RND3: variants seen among roughly 807,000 people sequenced by gnomAD.
RND3 encodes Rho family GTPase 3.
RND3 carries 8 observed loss-of-function variants against 26.5 expected under a neutral mutation model. The ratio of observed to expected loss-of-function variants is 0.30; its 90% confidence interval spans 0.18 to 0.54. The LOEUF is 0.54. RND3 is among the 20% of genes least tolerant of loss of function. The probability of loss-of-function intolerance (pLI) is 0.94; values close to 1 mark genes in which losing one functional copy is unlikely to be tolerated. For missense variants in RND3, 207 were observed against 302.8 expected, an observed-to-expected ratio of 0.68 and a Z score of 2.35; for synonymous variants, 113 against 113.0, an observed-to-expected ratio of 1.00 and a Z score of 0.00.
rs534188403 is a variant in RND3, at chr2:150,471,352, A to G, written c.483+275T>C. Among the ~76,000 whole-genome samples the G allele has an allele frequency of 2.6e-5, 4 of 152,280 alleles. No individual in the cohort carries two copies. The East Asian group carries it at 7.7e-4, about 29-fold the overall frequency. On this transcript the variant is annotated intron_variant, in intron 5 of 5. Transcript: ENST00000263895. ...CTGTAAAATCAGATTACCCCTCTTA[A>G]AGAGTATTACTGATTTTGACCACAT...
In RND3 at chr2:150,469,748, A is replaced by AT. The variant is rs1299932547; in HGVS notation, c.*238dup. 2 of 495,102 alleles carry AT rather than the reference A, an allele frequency of 4.0e-6. No individual in the cohort carries two copies. The highest frequency in any genetic ancestry group is 7.1e-6 in the Non-Finnish European group (2 of 281,122). The allele number at this position is 495,102 out of a possible 1,614,324, so 30.7% of individuals were successfully genotyped here. The stretch of plus-strand genomic sequence containing the variant: ...TTCCTCTAGCTCATTTGTATCTCTC[A>AT]TTTTTTGGCATATTTTTCAAGTCAC... On this transcript the variant is annotated 3_prime_UTR_variant, in exon 6 of 6. Coordinates refer to ENST00000263895, the MANE Select transcript of RND3 (RefSeq NM_005168.5).
rs180912839 is a variant in RND3, at chr2:150,475,624, C to T, written c.239-640G>A. 2.5e-3 allele frequency among the ~76,000 whole-genome samples: 376 copies of T among 152,266 alleles called. 7 individuals are homozygous for T. The highest frequency in any genetic ancestry group is 1.9e-3 in the East Asian group (10 of 5,182). ...GAGGAAGAGGAAGGGTTCAACTATGCAAAGAGAAACCACATCAGTGTTACC... is the reference window on the plus strand; with the variant it reads ...GAGGAAGAGGAAGGGTTCAACTATGTAAAGAGAAACCACATCAGTGTTACC... On this transcript the variant is annotated intron_variant, in intron 3 of 5. Transcript: ENST00000263895.
Position 150,474,988 on chromosome 2 carries a change from A to G in RND3, c.239-4T>C. ...ACATTGTCATAGTAAGGAGAACCTG[A>G]GAAGAAACAAAGACACACAAATTTT... On this transcript the variant is annotated splice_region_variant and splice_polypyrimidine_tract_variant and intron_variant, in intron 3 of 5. Transcript: ENST00000263895. The G allele has an allele frequency of 6.3e-7, 1 of 1,581,676 alleles. No homozygotes were observed. The highest frequency in any genetic ancestry group is 1.1e-5 in the South Asian group (1 of 90,362).
rs771468851 is a variant in RND3, at chr2:150,470,226, C to T, written c.496G>A (p.Ala166Thr). Residue 166 changes from alanine (A) to threonine (T), a missense_variant, in exon 6 of 6, where the codon GCC becomes ACC. Transcript: ENST00000263895. The stretch of plus-strand genomic sequence containing the variant: ...TAAGTAGCTGCTCCAATCTGTTTGG[C>T]CATATTTGCCCCCTGAGAAGCAAAA... ...PVSYDQGANM[A>T]KQIGAATYIE... The T allele has an allele frequency of 1.8e-5, 29 of 1,612,310 alleles. No individual in the cohort carries two copies. Among genetic ancestry groups the T allele is most frequent in the Middle Eastern group, 1.6e-4 (1 of 6,068 alleles).
In RND3 at chr2:150,473,059, T is replaced by G. The variant is rs9798403; in HGVS notation, c.349-1298A>C. ...TTTCCTCCCTCCCTTCCTCTCTCCC[T>G]CTCTCCCTCACTCCTTTCAGAATTA... On this transcript the variant is annotated intron_variant, in intron 4 of 5. Coordinates refer to ENST00000263895, the MANE Select transcript of RND3 (RefSeq NM_005168.5). Among the ~76,000 whole-genome samples, 808 of 124,266 alleles carry G rather than the reference T, an allele frequency of 6.5e-3. 2 individuals are homozygous for G. Among genetic ancestry groups the G allele is most frequent in the Non-Finnish European group, 0.01 (621 of 61,572 alleles). 81.5% of individuals were successfully genotyped at this position (124,266 alleles called of 152,430 possible).
rs1686358360 is a variant in RND3, at chr2:150,486,222, T to C, written c.238+472A>G. 6.6e-6 allele frequency among the ~76,000 whole-genome samples: 1 copy of C among 151,856 alleles called. No individual in the cohort carries two copies. The highest frequency in any genetic ancestry group is 1.5e-5 in the Non-Finnish European group (1 of 67,962). The stretch of plus-strand genomic sequence containing the variant: ...TTCCCTCAACAGCGGCAATTGCACG[T>C]AACCGCGTCGCCTCTGGGATTTTCT... On this transcript the variant is annotated intron_variant, in intron 3 of 5. Coordinates refer to ENST00000263895, the MANE Select transcript of RND3 (RefSeq NM_005168.5). This position sits in a 1 kb window ranked among gnomAD's most constrained non-coding sequence, Gnocchi z 4.5.
chr2:150,479,098 G>A (rs1393830347), intron 3 of RND3, among the ~76,000 whole-genome samples: 1 of 152,094 alleles, frequency 6.6e-6, no homozygotes, highest in Admixed American at 6.6e-5. Context: ...GTGTACACTT[G>A]GGGTTCTCTG....
At chr2:150,472,416 T>C (rs1475055186) in intron 4 of RND3, among the ~76,000 whole-genome samples, 1 of 152,216 alleles carries the variant, frequency 6.6e-6, no homozygotes. Flanking sequence ...TCATATGCCT[T>C]CAAGTTAGTT....
intron 3 of RND3, among the ~76,000 whole-genome samples, chr2:150,480,453 C>A (rs1686251948): frequency 6.6e-6 from 1 of 152,110 alleles, no homozygotes; most frequent in African/African-American, 2.4e-5. Flanking sequence ...ACGACTAATT[C>A]ATTTGGCAGA....
At chr2:150,482,735 G>GGGGGGGGGC (rs1686296666) in intron 3 of RND3, among the ~76,000 whole-genome samples, 1 of 133,646 alleles carries the variant, frequency 7.5e-6, no homozygotes, top group Non-Finnish European at 1.6e-5. Context: ...GGGTGGGGGG[G>GGGGGGGGGC]GCGGTGCGGG....
At chr2:150,475,147 G>C (rs774793906) in intron 3 of RND3, 163 bp from the exon 4 acceptor site, 6 of 552,688 alleles carry the variant, frequency 1.1e-5, no homozygotes, top group Non-Finnish European at 2.0e-5. Context: ...ACAAAAGCCT[G>C]CTTAGAAATA....
chr2:150,476,286 G>GA (rs1475255613), intron 3 of RND3, among the ~76,000 whole-genome samples: 3 of 152,174 alleles, frequency 2.0e-5, no homozygotes, highest in Non-Finnish European at 2.9e-5. Context: ...AGCAGCTTTA[G>GA]AAAAAATGTC....
intron 5 of RND3, among the ~76,000 whole-genome samples, chr2:150,470,644 T>A (rs1179257981): frequency 6.6e-6 from 1 of 152,090 alleles, no homozygotes; most frequent in Non-Finnish European, 1.5e-5. Context: ...GTTATTCAGG[T>A]TTTCCAGGGT....
At chr2:150,475,838 A>G (rs979247293) in intron 3 of RND3, among the ~76,000 whole-genome samples, 2 of 152,192 alleles carry the variant, frequency 1.3e-5, no homozygotes, top group Non-Finnish European at 2.9e-5. Flanking sequence ...TAAGGATCTT[A>G]ACCTGAATTA....
intron 3 of RND3, among the ~76,000 whole-genome samples, chr2:150,478,513 C>G (rs1344294211): frequency 6.9e-6 from 1 of 145,494 alleles, no homozygotes; most frequent in East Asian, 2.1e-4. Context: ...AAAGCAGGAA[C>G]AATACCTGCC....
intron 4 of RND3, among the ~76,000 whole-genome samples, chr2:150,473,143 GAAA>G (rs36041514): frequency 1.5e-5 from 2 of 136,506 alleles, no homozygotes; most frequent in African/African-American, 2.8e-5. Context: ...AGGTGAACTG[GAAA>G]AAAAAAAAAA....
rs777165494 is a variant in RND3, at chr2:150,470,120, G to T, written c.602C>A (p.Thr201Lys). 1.9e-6 allele frequency: 3 copies of T among 1,613,912 alleles called. No individual in the cohort carries two copies. In the Admixed American group the frequency reaches 5.0e-5, roughly 27 times the overall value. The change falls in exon 6 of 6, where the codon ACA (threonine) becomes AAA (lysine). Residue 201 changes from threonine to lysine, a missense_variant. By Grantham distance (78) the Thr-to-Lys change is moderately conservative. Transcript: ENST00000263895. ...TTTGTTCCGCTTAACGTTTTTATTT[G>T]TCTTATTTACACATGCCAAGGTGGC... ...HVATLACVNKTNKNVKRNKSQ... is the reference protein window; with the variant it reads ...HVATLACVNKKNKNVKRNKSQ...
In RND3 at chr2:150,487,426, C is replaced by T; in HGVS notation, c.-9G>A. The T allele has an allele frequency of 7.0e-7, 1 of 1,419,152 alleles. No individual in the cohort carries two copies. The highest frequency in any genetic ancestry group is 9.3e-7 in the Non-Finnish European group (1 of 1,079,068). 87.9% of individuals were successfully genotyped at this position (1,419,152 alleles called of 1,614,324 possible). On this transcript the variant is annotated 5_prime_UTR_variant, in exon 2 of 6. Coordinates refer to ENST00000263895, the MANE Select transcript of RND3 (RefSeq NM_005168.5). ...GCTCTTCTCTCCTTCATTGATGTTG[C>T]CTTATTTTCTCTTGGAACAGGAATT... is the stretch of plus-strand genomic sequence containing the variant.
intron 3 of RND3, among the ~76,000 whole-genome samples, chr2:150,475,853 C>T (rs1686155302): frequency 1.3e-5 from 2 of 152,114 alleles, no homozygotes; most frequent in Admixed American, 6.5e-5. Context: ...GAATTAAGTC[C>T]AGGGTACCCT....
Sources: gnomAD v4.1 joint callset for allele counts (sites outside exome capture counted in the v4.1 genomes callset) on GRCh38, gnomAD v4.1.1 for gene constraint, Gnocchi (gnomAD v3.1) non-coding constraint, MANE v1.5 for transcripts, NCBI Gene and HGNC (gene_info 2026-07-23, HGNC 2026-07-21) for gene names.